NSD1: variants seen among roughly 807,000 people sequenced by gnomAD.
NSD1 encodes nuclear receptor binding SET domain protein 1, also known as histone-lysine N-methyltransferase, H3 lysine-36 specific.
In NSD1, 26 loss-of-function variants were observed where a neutral mutation model predicts 242.7. The observed-to-expected ratio is 0.11, with a 90% CI of 0.08 to 0.15. NSD1 has a LOEUF of 0.15. NSD1 is among the 10% of genes least tolerant of loss of function. NSD1 has a pLI of 1.00. For synonymous variants in NSD1, 1,106 were observed against 1,178.1 expected, an observed-to-expected ratio of 0.94 and a Z score of 1.25; for missense variants, 2,495 against 3,272.8, an observed-to-expected ratio of 0.76 and a Z score of 5.80.
At chr5:177,248,908 G>A (rs1041416431) in intron 11 of NSD1, among the ~76,000 whole-genome samples, 1 of 152,268 alleles carries the variant, frequency 6.6e-6, no homozygotes, top group South Asian at 2.1e-4. Flanking sequence ...AGGATAAATA[G>A]CTTGTTTATA....
intron 9 of NSD1, among the ~76,000 whole-genome samples, chr5:177,245,076 C>T (rs984074046): frequency 2.0e-5 from 3 of 152,042 alleles, no homozygotes; most frequent in African/African-American, 7.2e-5. Context: ...ATGAGCTAGG[C>T]ATGGTGGTGT....
intron 13 of NSD1, among the ~76,000 whole-genome samples, chr5:177,257,832 A>AT (rs758994929): frequency 2.7e-5 from 4 of 146,888 alleles, no homozygotes; most frequent in African/African-American, 1.0e-4. Flanking sequence ...ATTTTATTTT[A>AT]TTTTATTTTA....
chr5:177,244,133 ATAAAG>A (rs1581423511), intron 8 of NSD1, 57 bp from the exon 9 acceptor site: 38 of 1,217,374 alleles, frequency 3.1e-5, no homozygotes, highest in Non-Finnish European at 4.1e-5. Context: ...ACTTTGGCAT[ATAAAG>A]TAAAGGGTTT....
chr5:177,185,789 TTA>T (rs1158888825), intron 2 of NSD1, among the ~76,000 whole-genome samples: 2,919 of 23,764 alleles, frequency 0.12, 64 homozygotes, highest in African/African-American at 0.21. Flanking sequence ...TATATGTATA[TTA>T]TATATATATA....
At chr5:177,268,958 G>A (rs1259711626) in intron 15 of NSD1, among the ~76,000 whole-genome samples, 1 of 152,054 alleles carries the variant, frequency 6.6e-6, no homozygotes, top group Admixed American at 6.6e-5. Context: ...TTGAATATAA[G>A]TATATACTTA....
At chr5:177,142,664 C>T (rs1756923296) in intron 2 of NSD1, among the ~76,000 whole-genome samples, 5 of 152,204 alleles carry the variant, frequency 3.3e-5, no homozygotes, top group Admixed American at 3.3e-4. Flanking sequence ...CAAAATTTTA[C>T]AGATGCCCTC....
intron 3 of NSD1, among the ~76,000 whole-genome samples, chr5:177,199,780 A>G (rs544826051): frequency 6.6e-6 from 1 of 151,550 alleles, no homozygotes; most frequent in Non-Finnish European, 1.5e-5. Context: ...AATTTTTAGT[A>G]GAGACGGGGT....
At chr5:177,218,817 C>T (rs1465548612) in intron 5 of NSD1, among the ~76,000 whole-genome samples, 6 of 151,944 alleles carry the variant, frequency 3.9e-5, no homozygotes, top group African/African-American at 1.4e-4. Flanking sequence ...GATCCGCCCT[C>T]CTCGGCCTCT....
intron 5 of NSD1, among the ~76,000 whole-genome samples, chr5:177,234,882 T>C (rs1334746945): frequency 6.6e-6 from 1 of 152,198 alleles, no homozygotes; most frequent in Non-Finnish European, 1.5e-5. Flanking sequence ...TCTTCTTACC[T>C]TATAAAATAA....
chr5:177,210,218 A>T lies in NSD1; in HGVS notation c.1819A>T (p.Asn607Tyr). ...GATCTCAAAGTGTTCTCGAGAGAAGAATAAACCCCAACGAAGCCTGGTGTG... is the reference window on the plus strand; with the variant it reads ...GATCTCAAAGTGTTCTCGAGAGAAGTATAAACCCCAACGAAGCCTGGTGTG... ...ALISKCSREK[N>Y]KPQRSLVCGS... is the part of the protein sequence containing the mutation. Residue 607 changes from asparagine to tyrosine, a missense_variant, in exon 5 of 23, where the codon AAT becomes TAT. This residue lies in a region of NSD1 where 515 missense variants were observed against 467.0 expected (regional missense o/e 1.10). Transcript: ENST00000439151. The T allele has an allele frequency of 6.3e-7, 1 of 1,595,800 alleles. No individual in the cohort carries two copies.
At chr5:177,266,272 G>A (rs933581581) in intron 14 of NSD1, 14 of 750,224 alleles carry the variant, frequency 1.9e-5, no homozygotes, top group African/African-American at 6.9e-5. Flanking sequence ...CCTTGGTGAT[G>A]GTCACCAAGT....
chr5:177,143,478 C>T (rs567756539), intron 2 of NSD1, among the ~76,000 whole-genome samples: 1 of 151,846 alleles, frequency 6.6e-6, no homozygotes, highest in South Asian at 2.1e-4. Flanking sequence ...CATGCCACCA[C>T]GCCTGGCTAA....
chr5:177,210,635 T>A lies in NSD1; in HGVS notation c.2236T>A (p.Phe746Ile). 1.9e-6 allele frequency: 3 copies of A among 1,614,114 alleles called. No individual in the cohort carries two copies. The highest frequency in any genetic ancestry group is 4.5e-5 in the East Asian group (2 of 44,876). Residue 746 changes from phenylalanine to isoleucine, a missense_variant, in exon 5 of 23, where the codon TTT (phenylalanine) becomes ATT (isoleucine). By Grantham distance (21) the Phe-to-Ile change is conservative (BLOSUM62 0). This residue lies in a region of NSD1 where 515 missense variants were observed against 467.0 expected (regional missense o/e 1.10). Coordinates refer to ENST00000439151, the MANE Select transcript of NSD1 (RefSeq NM_022455.5). ...TCTTGTTCACAAACCCCAGTCAGATTTTACAAATGATGCTCTCTCTCCAAA... is the reference window on the plus strand; with the variant it reads ...TCTTGTTCACAAACCCCAGTCAGATATTACAAATGATGCTCTCTCTCCAAA... ...STLVHKPQSD[F>I]TNDALSPKFN...
intron 3 of NSD1, among the ~76,000 whole-genome samples, chr5:177,193,306 A>G (rs1203796762): frequency 7.2e-5 from 11 of 151,818 alleles, no homozygotes; most frequent in Admixed American, 6.6e-4. Context: ...ATGCCTGGCT[A>G]ATTTTTTTGG....
intron 6 of NSD1, among the ~76,000 whole-genome samples, chr5:177,237,456 C>T (rs1765535899): frequency 6.7e-6 from 1 of 150,004 alleles, no homozygotes; most frequent in African/African-American, 2.4e-5. Context: ...ATTATAGCTT[C>T]AGTGTATCTC....
rs1373495572 is a variant in NSD1, at chr5:177,211,828, T to C, written c.3429T>C (p.Ser1143=). The change falls in exon 5 of 23, where the codon AGT becomes AGC. Residue 1143 remains serine, a synonymous_variant. Transcript: ENST00000439151. ...CAGAGCTGGACTCTGTAATGAACAG[T>C]GAGAATGATGAACTCAATGGTGTAA... ...KGPELDSVMN[S]ENDELNGVNQ... 1.2e-6 allele frequency: 2 copies of C among 1,614,074 alleles called. No homozygotes were observed. The highest frequency in any genetic ancestry group is 1.7e-6 in the Non-Finnish European group (2 of 1,179,990).
chr5:177,236,497 C>T (rs1053162293), intron 6 of NSD1, among the ~76,000 whole-genome samples: 6 of 152,092 alleles, frequency 3.9e-5, no homozygotes, highest in African/African-American at 1.4e-4. Context: ...TTATTCATAC[C>T]AGGACTCAAT....
At chr5:177,237,781 C>T (rs1765571245) in intron 6 of NSD1, among the ~76,000 whole-genome samples, 1 of 152,088 alleles carries the variant, frequency 6.6e-6, no homozygotes, top group South Asian at 2.1e-4. Context: ...GATCTGCCTG[C>T]CTTGGCCTCC....
At chr5:177,157,848 A>G (rs1362796301) in intron 2 of NSD1, among the ~76,000 whole-genome samples, 2 of 152,238 alleles carry the variant, frequency 1.3e-5, no homozygotes, top group Admixed American at 6.5e-5. Context: ...ATACAAATAC[A>G]GTCATATAAT....
Sources: gnomAD v4.1 joint callset for allele counts (sites outside exome capture counted in the v4.1 genomes callset) on GRCh38, gnomAD v4.1.1 for gene constraint, gnomAD v4.1.1 regional missense constraint, MANE v1.5 for transcripts, NCBI Gene and HGNC (gene_info 2026-07-23, HGNC 2026-07-21) for gene names.